Variants in NCAM2 observed in about 807,000 individuals in gnomAD.
NCAM2 encodes the protein neural cell adhesion molecule 2.
In NCAM2, 30 loss-of-function variants were observed where a neutral mutation model predicts 98.1. That is an observed-to-expected ratio of 0.31 (90% confidence interval 0.23 to 0.41). The LOEUF is 0.41. Ranked by LOEUF, NCAM2 falls within the 10% of genes least tolerant of loss-of-function variation. The pLI is 1.00. For synonymous variants in NCAM2, 368 were observed against 342.4 expected, an observed-to-expected ratio of 1.07 and a Z score of -0.83; for missense variants, 867 against 1,005.8, an observed-to-expected ratio of 0.86 and a Z score of 1.87.
At position 21,060,193 on chromosome 21, in the gene NCAM2, A is replaced by C. The variant is rs941283121; in HGVS notation, c.55+61575A>C. 1.1e-4 allele frequency among the ~76,000 whole-genome samples: 16 copies of C among 152,260 alleles called. No individual in the cohort carries two copies. In the South Asian group the frequency reaches 2.5e-3, roughly 24 times the overall value. On this transcript the variant is annotated intron_variant, in intron 1 of 17. Coordinates refer to ENST00000400546, the MANE Select transcript of NCAM2 (RefSeq NM_004540.5). ...AATTGGATTTATTATGCATAATGCC[A>C]ATTGAAAAAGGTAGTATTTTGATGT...
At chr21:21,239,053 G>A (rs9984306) in intron 1 of NCAM2, among the ~76,000 whole-genome samples, 8 of 146,478 alleles carry the variant, frequency 5.5e-5, no homozygotes, top group East Asian at 3.9e-4. Context: ...AGCAATAAAC[G>A]GGGGGTGGGG....
intron 5 of NCAM2, among the ~76,000 whole-genome samples, chr21:21,313,157 T>C (rs1329695890): frequency 1.3e-5 from 2 of 151,908 alleles, no homozygotes; most frequent in Non-Finnish European, 2.9e-5. Flanking sequence ...CATTGTATTC[T>C]TATTCCAAAT....
At chr21:21,256,228 C>A (rs948765715) in intron 1 of NCAM2, among the ~76,000 whole-genome samples, 11 of 151,838 alleles carry the variant, frequency 7.2e-5, no homozygotes, top group Non-Finnish European at 1.6e-4. Flanking sequence ...TGGTGGTGGG[C>A]GCCTGTAATC....
Position 21,236,017 on chromosome 21 carries a change from A to G in NCAM2, c.56-44561A>G, listed in dbSNP as rs564789570. Among the ~76,000 whole-genome samples, 7 of 152,194 alleles carry G rather than the reference A, an allele frequency of 4.6e-5. No homozygotes were observed. In the South Asian group the frequency reaches 1.4e-3, roughly 32 times the overall value. On this transcript the variant is annotated intron_variant, in intron 1 of 17. Coordinates refer to ENST00000400546, the MANE Select transcript of NCAM2 (RefSeq NM_004540.5). ...GTTAATGAATGCTTGAATGAAGTCA[A>G]GCACCCATTACCATTCTTAACTCAT...
intron 11 of NCAM2, among the ~76,000 whole-genome samples, chr21:21,427,578 G>T (rs1368724444): frequency 6.6e-6 from 1 of 152,184 alleles, no homozygotes; most frequent in Non-Finnish European, 1.5e-5. Context: ...GTTGCCAGGG[G>T]CTGGGGAGTG....
intron 12 of NCAM2, among the ~76,000 whole-genome samples, chr21:21,464,227 A>T (rs939814693): frequency 6.6e-6 from 1 of 152,104 alleles, no homozygotes; most frequent in Non-Finnish European, 1.5e-5. Context: ...ATGGAAAGGC[A>T]TACCATATAT....
At chr21:21,055,749 T>C (rs1419422898) in intron 1 of NCAM2, among the ~76,000 whole-genome samples, 24 of 152,150 alleles carry the variant, frequency 1.6e-4, no homozygotes, top group Non-Finnish European at 2.9e-4. Context: ...CATCACTTAG[T>C]AGCTGTTATT....
At chr21:21,396,580 G>C (rs2076512526) in intron 9 of NCAM2, among the ~76,000 whole-genome samples, 1 of 152,142 alleles carries the variant, frequency 6.6e-6, no homozygotes, top group Non-Finnish European at 1.5e-5. Flanking sequence ...GGTGAACCAG[G>C]TGGGGAGTGG....
intron 12 of NCAM2, among the ~76,000 whole-genome samples, chr21:21,445,957 C>A (rs2146102767): frequency 6.6e-6 from 1 of 152,226 alleles, no homozygotes; most frequent in Non-Finnish European, 1.5e-5. Context: ...GTGGTTTTTG[C>A]AGTGGCTGGT....
chr21:21,385,708 A>G, intron 9 of NCAM2: 1 of 1,237,116 alleles, frequency 8.1e-7, no homozygotes, highest in South Asian at 1.3e-5. Context: ...TCTAAAACAA[A>G]GGAGAAAACA....
intron 1 of NCAM2, among the ~76,000 whole-genome samples, chr21:21,142,872 TATG>T (rs2067199164): frequency 1.3e-5 from 2 of 152,212 alleles, no homozygotes; most frequent in South Asian, 4.1e-4. Context: ...TTTTCAGAGC[TATG>T]ATTTTTGTAG....
intron 1 of NCAM2, among the ~76,000 whole-genome samples, chr21:21,265,160 TTA>T (rs199935970): frequency 0.08 from 9,302 of 116,828 alleles, 885 homozygotes; most frequent in East Asian, 0.39. Context: ...ACATATATAC[TTA>T]TATATATTAT....
chr21:21,086,440 A>G (rs765016205), intron 1 of NCAM2, among the ~76,000 whole-genome samples: 1 of 152,194 alleles, frequency 6.6e-6, no homozygotes, highest in African/African-American at 2.4e-5. Context: ...GAAAGGGACT[A>G]TATGATTGGC....
At chr21:21,423,968 A>C (rs924805724) in intron 11 of NCAM2, among the ~76,000 whole-genome samples, 1 of 152,134 alleles carries the variant, frequency 6.6e-6, no homozygotes, top group Non-Finnish European at 1.5e-5. Context: ...TGGTCTGTGT[A>C]CCTAGATTTT....
At chr21:21,049,685 A>G (rs2065068023) in intron 1 of NCAM2, among the ~76,000 whole-genome samples, 1 of 152,094 alleles carries the variant, frequency 6.6e-6, no homozygotes, top group Non-Finnish European at 1.5e-5. Flanking sequence ...CAGCCTGACC[A>G]ACATGGAGAA....
At chr21:21,308,111 A>T (rs1252031338) in intron 5 of NCAM2, among the ~76,000 whole-genome samples, 2 of 151,984 alleles carry the variant, frequency 1.3e-5, no homozygotes, top group South Asian at 4.2e-4. Flanking sequence ...TATAGATTCA[A>T]ACTTCCAATT....
intron 15 of NCAM2, among the ~76,000 whole-genome samples, chr21:21,505,896 T>C (rs895774687): frequency 1.1e-4 from 16 of 152,070 alleles, no homozygotes; most frequent in African/African-American, 2.6e-4. Flanking sequence ...TTGGTTGTTA[T>C]TTTTATTATT....
intron 1 of NCAM2, among the ~76,000 whole-genome samples, chr21:21,268,603 C>G (rs2072377654): frequency 6.6e-6 from 1 of 151,988 alleles, no homozygotes; most frequent in African/African-American, 2.4e-5. Context: ...TGTGGAAAAC[C>G]TCTCACTGTT....
At chr21:21,256,773 C>T (rs930868897) in intron 1 of NCAM2, among the ~76,000 whole-genome samples, 5 of 152,092 alleles carry the variant, frequency 3.3e-5, no homozygotes, top group African/African-American at 9.7e-5. Flanking sequence ...TAAGAGAAGT[C>T]GAGTCATTTC....
Sources: allele counts gnomAD v4.1 joint callset (sites outside exome capture counted in the v4.1 genomes callset), GRCh38; gene constraint gnomAD v4.1.1; transcripts MANE v1.5; gene names NCBI Gene and HGNC (gene_info 2026-07-23, HGNC 2026-07-21).